ANOS1: variants seen among roughly 807,000 people sequenced by gnomAD.
The protein encoded by ANOS1 is anosmin 1.
ANOS1 carries 6 observed loss-of-function variants against 59.0 expected under a neutral mutation model. The ratio of observed to expected loss-of-function variants is 0.10; its 90% CI spans 0.06 to 0.20. The LOEUF is 0.20. Among genes scored for constraint, ANOS1 ranks in the 10% least tolerant of loss-of-function variants. The pLI is 1.00. For synonymous variants in ANOS1, 217 were observed against 223.4 expected (o/e 0.97, Z 0.25); for missense variants, 433 against 542.3 (o/e 0.80, Z 2.00).
intron 4 of ANOS1, among the ~76,000 whole-genome samples, chrX:8,591,460 C>T (rs1417554371): frequency 1.8e-5 from 2 of 111,356 alleles, no homozygotes; most frequent in South Asian, 3.8e-4. Context: ...CCGAAGTGAC[C>T]TGAACTCACC....
At chrX:8,619,085 A>G (rs1208383823) in intron 3 of ANOS1, among the ~76,000 whole-genome samples, 1 of 91,121 alleles carries the variant, frequency 1.1e-5, no homozygotes, top group Non-Finnish European at 2.0e-5. Context: ...AAAAAAAAAA[A>G]AAAAAAAAAA....
At chrX:8,621,092 G>A (rs1274116495) in intron 3 of ANOS1, among the ~76,000 whole-genome samples, 2 of 111,948 alleles carry the variant, frequency 1.8e-5, no homozygotes, top group African/African-American at 6.5e-5. Flanking sequence ...CAGGTCAGGA[G>A]CAGTGGCTCA....
chrX:8,626,717 C>T (rs1203454254), intron 2 of ANOS1, among the ~76,000 whole-genome samples: 2 of 108,374 alleles, frequency 1.8e-5, no homozygotes, highest in Non-Finnish European at 3.8e-5. Context: ...AAAAATTATC[C>T]AGGCGTGGTG....
intron 3 of ANOS1, among the ~76,000 whole-genome samples, chrX:8,620,230 A>G (rs1189004089): frequency 8.9e-6 from 1 of 112,609 alleles, no homozygotes; most frequent in South Asian, 3.7e-4. Context: ...GCAGCCATGG[A>G]CAATATGTAA....
intron 2 of ANOS1, among the ~76,000 whole-genome samples, chrX:8,624,020 T>C (rs867445201): frequency 1.9e-4 from 19 of 100,122 alleles, no homozygotes; most frequent in Admixed American, 2.2e-4. Context: ...TCTTTTTTTT[T>C]TTTTTTTTTT....
chrX:8,661,104 C>T (rs1289673164), intron 2 of ANOS1, among the ~76,000 whole-genome samples: 1 of 111,784 alleles, frequency 8.9e-6, no homozygotes, highest in Non-Finnish European at 1.9e-5. Flanking sequence ...CCAGAAGCCT[C>T]TCTCCTTGGC....
At chrX:8,701,455 C>T (rs780412488) in intron 1 of ANOS1, among the ~76,000 whole-genome samples, 1 of 112,199 alleles carries the variant, frequency 8.9e-6, no homozygotes, top group Non-Finnish European at 1.9e-5. Flanking sequence ...GAAAGCTATG[C>T]AACCAACACC....
At position 8,660,287 on chromosome X, in the gene ANOS1, T is replaced by C. The variant is rs762111286; in HGVS notation, c.256-36617A>G. ...CATGTGGACATTGTCTTTGGGAGACTGGCTTAGGTTTGTTTGTGTTCTCCC... is the reference window on the plus strand; with the variant it reads ...CATGTGGACATTGTCTTTGGGAGACCGGCTTAGGTTTGTTTGTGTTCTCCC... On this transcript the variant is annotated intron_variant, in intron 2 of 13. Transcript: ENST00000262648. Among the ~76,000 whole-genome samples the C allele has an allele frequency of 4.6e-3, 520 of 112,288 alleles. 2 individuals carry two copies. The highest frequency in any genetic ancestry group is 0.016 in the African/African-American group (504 of 30,881).
At chrX:8,559,403 C>A (rs1929997967) in intron 8 of ANOS1, among the ~76,000 whole-genome samples, 1 of 111,354 alleles carries the variant, frequency 9.0e-6, no homozygotes, top group Non-Finnish European at 1.9e-5. Context: ...TAGGACACCA[C>A]AAAACTGAAC....
chrX:8,615,724 G>A (rs1327642213), intron 3 of ANOS1, among the ~76,000 whole-genome samples: 1 of 110,579 alleles, frequency 9.0e-6, no homozygotes, highest in African/African-American at 3.3e-5. Context: ...CACCAATGCA[G>A]CTGCATCTGG....
At chrX:8,664,075 T>C (rs934979093) in intron 2 of ANOS1, among the ~76,000 whole-genome samples, 7 of 111,415 alleles carry the variant, frequency 6.3e-5, no homozygotes, top group African/African-American at 2.3e-4. Context: ...AACATCAGGA[T>C]AAATAGCTAA....
At chrX:8,575,882 T>C (rs1395717598) in intron 6 of ANOS1, among the ~76,000 whole-genome samples, 2 of 110,801 alleles carry the variant, frequency 1.8e-5, no homozygotes, top group Non-Finnish European at 3.8e-5. Flanking sequence ...GGCAGGAGGA[T>C]TGTTTGAGGC....
At chrX:8,721,968 G>C (rs1932877859) in intron 1 of ANOS1, among the ~76,000 whole-genome samples, 1 of 111,858 alleles carries the variant, frequency 8.9e-6, no homozygotes, top group African/African-American at 3.2e-5. Flanking sequence ...TTCCAAGCTG[G>C]AATAACTCAG....
At chrX:8,710,768 T>C (rs1031556253) in intron 1 of ANOS1, among the ~76,000 whole-genome samples, 1 of 112,149 alleles carries the variant, frequency 8.9e-6, no homozygotes, top group Non-Finnish European at 1.9e-5. Flanking sequence ...GTGATCAACT[T>C]TCAGATTTTC....
chrX:8,621,740 G>C (rs1931297289), intron 3 of ANOS1, among the ~76,000 whole-genome samples: 1 of 111,611 alleles, frequency 9.0e-6, no homozygotes, highest in African/African-American at 3.3e-5. Flanking sequence ...TGAATTCATA[G>C]AGTAAGTTGG....
intron 3 of ANOS1, among the ~76,000 whole-genome samples, chrX:8,605,702 G>T (rs991517912): frequency 6.5e-5 from 7 of 106,924 alleles, no homozygotes; most frequent in Admixed American, 4.0e-4. Flanking sequence ...GATAGATCAA[G>T]GAATTAATAG....
chrX:8,644,040 C>T (rs1458934511), intron 2 of ANOS1, among the ~76,000 whole-genome samples: 1 of 111,318 alleles, frequency 9.0e-6, no homozygotes, highest in Non-Finnish European at 1.9e-5. Context: ...ACCTTGGACA[C>T]ATATTCTAAG....
At chrX:8,658,705 T>G (rs1931974497) in intron 2 of ANOS1, among the ~76,000 whole-genome samples, 1 of 111,784 alleles carries the variant, frequency 8.9e-6, no homozygotes, top group Admixed American at 9.5e-5. Flanking sequence ...AGCCCTCAGA[T>G]TACACCACCT....
chrX:8,720,399 T>C (rs774651304), intron 1 of ANOS1, among the ~76,000 whole-genome samples: 1 of 111,274 alleles, frequency 9.0e-6, no homozygotes, highest in South Asian at 3.8e-4. Flanking sequence ...TTTCATTACA[T>C]GCATGGAAAA....
Sources: gnomAD v4.1 joint callset for allele counts (sites outside exome capture counted in the v4.1 genomes callset) on GRCh38, gnomAD v4.1.1 for gene constraint, MANE v1.5 for transcripts, NCBI Gene and HGNC (gene_info 2026-07-23, HGNC 2026-07-21) for gene names.